Variants in BCKDHB observed in about 807,000 individuals in gnomAD.
BCKDHB encodes branched chain keto acid dehydrogenase E1 subunit beta.
A neutral mutation model predicts 48.5 loss-of-function variants in BCKDHB; 41 were observed. The ratio of observed to expected loss-of-function variants is 0.85; its 90% CI spans 0.66 to 1.10. The LOEUF is 1.10. Ranked by LOEUF, BCKDHB falls within the 50% of genes least tolerant of loss-of-function variation. BCKDHB has a pLI of 0.00. For missense variants in BCKDHB, 496 were observed against 494.2 expected (o/e 1.00, Z -0.03); for synonymous variants, 201 against 174.8 (o/e 1.15, Z -1.18).
At chr6:80,436,153 T>TC in the BCKDHB span, among the ~76,000 whole-genome samples, 2 of 103,402 alleles carry the variant, frequency 1.9e-5, no homozygotes, top group South Asian at 6.4e-4. Context: ...TTTTCTTTTT[T>TC]TTTTTTTTTT....
chr6:80,236,702 G>C (rs917358739), intron 8 of BCKDHB, among the ~76,000 whole-genome samples: 1 of 152,164 alleles, frequency 6.6e-6, no homozygotes, highest in Non-Finnish European at 1.5e-5. Flanking sequence ...TTTGAACCCA[G>C]GCAGTCCAAT....
chr6:80,163,467 A>G (rs191107856), intron 3 of BCKDHB, among the ~76,000 whole-genome samples: 1 of 152,076 alleles, frequency 6.6e-6, no homozygotes, highest in African/African-American at 2.4e-5. Context: ...GGGACAACAC[A>G]TTCTCCTCCT....
At chr6:80,188,324 A>G (rs542734667) in intron 6 of BCKDHB, among the ~76,000 whole-genome samples, 4 of 152,288 alleles carry the variant, frequency 2.6e-5, no homozygotes, top group African/African-American at 9.6e-5. Context: ...ACACACAGAA[A>G]AGAGAACAAC....
chr6:80,211,435 C>G (rs1187010792), intron 8 of BCKDHB, among the ~76,000 whole-genome samples: 3 of 152,172 alleles, frequency 2.0e-5, no homozygotes, highest in Non-Finnish European at 4.4e-5. Context: ...ACTAGCATTT[C>G]TCTCCTGGGT....
intron 6 of BCKDHB, among the ~76,000 whole-genome samples, chr6:80,197,691 T>C (rs1476384012): frequency 6.6e-6 from 1 of 152,204 alleles, no homozygotes; most frequent in Non-Finnish European, 1.5e-5. Context: ...TAAGATGGAA[T>C]GTGTACTGGC....
chr6:80,442,171 C>T, the BCKDHB span, among the ~76,000 whole-genome samples: 5 of 152,136 alleles, frequency 3.3e-5, no homozygotes, highest in South Asian at 1.0e-3. Flanking sequence ...CACACAATGA[C>T]AGTTAGTGTT....
At chr6:80,140,755 C>G (rs1023321055) in intron 3 of BCKDHB, among the ~76,000 whole-genome samples, 3 of 152,078 alleles carry the variant, frequency 2.0e-5, no homozygotes, top group Admixed American at 2.0e-4. Flanking sequence ...GGATATTGGT[C>G]TAAAATTCTC....
chr6:80,464,492 A>G, the BCKDHB span, among the ~76,000 whole-genome samples: 8 of 152,122 alleles, frequency 5.3e-5, no homozygotes, highest in African/African-American at 1.9e-4. Context: ...AAAATTTTAA[A>G]TTAGTAACTT....
At chr6:80,209,707 A>T (rs532334308) in intron 8 of BCKDHB, among the ~76,000 whole-genome samples, 4 of 152,134 alleles carry the variant, frequency 2.6e-5, no homozygotes, top group African/African-American at 9.6e-5. Context: ...AGGAAAAAAT[A>T]ATGCTCTTGG....
intron 8 of BCKDHB, among the ~76,000 whole-genome samples, chr6:80,220,471 C>T (rs1276548576): frequency 7.1e-6 from 1 of 141,246 alleles, no homozygotes; most frequent in Non-Finnish European, 1.5e-5. Flanking sequence ...TTCTGGATAC[C>T]TGACTGGTGC....
rs138200210 is a variant in BCKDHB at position 80,266,484 on chromosome 6, G to A, written c.952-6651G>A. Among the ~76,000 whole-genome samples the A allele has an allele frequency of 4.2e-4, 64 of 152,134 alleles. No individual in the cohort carries two copies. The South Asian group carries it at 7.9e-3, about 19-fold the overall frequency. On this transcript the variant is annotated intron_variant, in intron 8 of 9. Transcript: ENST00000320393. Reference sequence around the variant, plus strand: ...TCTCTAATAAATGTCCTCTAGTCCAGTACAATACCTTTGCCGCCATTGTGA... The same window carrying A: ...TCTCTAATAAATGTCCTCTAGTCCAATACAATACCTTTGCCGCCATTGTGA...
At chr6:80,392,717 C>G in the BCKDHB span, among the ~76,000 whole-genome samples, 1 of 151,528 alleles carries the variant, frequency 6.6e-6, no homozygotes. Flanking sequence ...ACTGTATTTT[C>G]TTATATAATT....
intron 3 of BCKDHB, among the ~76,000 whole-genome samples, chr6:80,139,699 T>G (rs1289967524): frequency 2.0e-5 from 3 of 152,138 alleles, no homozygotes; most frequent in South Asian, 4.1e-4. Context: ...CTGTTTTGGT[T>G]ACTGTAGCCT....
intron 8 of BCKDHB, among the ~76,000 whole-genome samples, chr6:80,218,782 T>G (rs998486192): frequency 1.3e-5 from 2 of 152,184 alleles, no homozygotes; most frequent in African/African-American, 4.8e-5. Context: ...TGTCAGCTGA[T>G]TATTTTTACA....
At chr6:80,106,650 C>G, upstream of BCKDHB, 1 of 1,538,788 alleles carries the variant, frequency 6.5e-7, no homozygotes, top group Non-Finnish European at 8.8e-7. Flanking sequence ...TCCCCGCAGG[C>G]GGCGTGCGGC....
At chr6:80,216,615 G>A (rs544741250) in intron 8 of BCKDHB, among the ~76,000 whole-genome samples, 1 of 152,080 alleles carries the variant, frequency 6.6e-6, no homozygotes, top group Non-Finnish European at 1.5e-5. Context: ...TGCTTTCACT[G>A]TTACGAATAG....
intron 6 of BCKDHB, among the ~76,000 whole-genome samples, chr6:80,190,740 C>G (rs1424987942): frequency 4.6e-5 from 7 of 152,188 alleles, no homozygotes; most frequent in African/African-American, 1.7e-4. Flanking sequence ...GTCATCCTCA[C>G]ACTTGCCCTT....
the BCKDHB span, among the ~76,000 whole-genome samples, chr6:80,375,836 T>C: frequency 2.0e-5 from 3 of 152,284 alleles, no homozygotes; most frequent in East Asian, 5.8e-4. Context: ...TTTTTTCCCA[T>C]GGGGAGCTTG....
At chr6:80,333,853 A>G (rs1043503428) in intron 9 of BCKDHB, among the ~76,000 whole-genome samples, 51 of 152,302 alleles carry the variant, frequency 3.3e-4, no homozygotes, top group African/African-American at 1.0e-3. Context: ...ATACTTAACT[A>G]TGAAAGTATC....
Sources: allele counts gnomAD v4.1 joint callset (sites outside exome capture counted in the v4.1 genomes callset), GRCh38; gene constraint gnomAD v4.1.1; transcripts MANE v1.5; gene names NCBI Gene and HGNC (gene_info 2026-07-23, HGNC 2026-07-21).